Variants in AGTPBP1 observed in about 807,000 individuals in gnomAD.
AGTPBP1 encodes cytosolic carboxypeptidase 1.
A neutral mutation model predicts 143.9 loss-of-function variants in AGTPBP1; 70 were observed. That is an observed-to-expected ratio of 0.49 (90% confidence interval 0.40 to 0.59). The LOEUF is 0.59. AGTPBP1 is among the 20% of genes least tolerant of loss of function. The pLI, the probability that AGTPBP1 is intolerant of heterozygous loss-of-function variation, is 0.00. For missense variants in AGTPBP1, 1,229 were observed against 1,464.5 expected, an observed-to-expected ratio of 0.84 and a Z score of 2.62; for synonymous variants, 463 against 500.2, an observed-to-expected ratio of 0.93 and a Z score of 0.99.
intron 11 of AGTPBP1, among the ~76,000 whole-genome samples, chr9:85,652,575 G>A (rs1587831989): frequency 6.6e-6 from 1 of 152,264 alleles, no homozygotes; most frequent in African/African-American, 2.4e-5. Context: ...ATGGTGCTGG[G>A]AGGGTGGCAT....
chr9:85,734,626 C>T (rs914013785), intron 1 of AGTPBP1, among the ~76,000 whole-genome samples: 1 of 152,202 alleles, frequency 6.6e-6, no homozygotes, highest in East Asian at 1.9e-4. Flanking sequence ...TGTTGATGTG[C>T]ATAGATTAGA....
chr9:85,581,359 T>C (rs1828247552), intron 23 of AGTPBP1, among the ~76,000 whole-genome samples: 1 of 152,218 alleles, frequency 6.6e-6, no homozygotes, highest in Non-Finnish European at 1.5e-5. Flanking sequence ...CTCAGATGTC[T>C]TAGTGGACTT....
chr9:85,791,705 G>A, the AGTPBP1 span, among the ~76,000 whole-genome samples: 1 of 152,074 alleles, frequency 6.6e-6, no homozygotes, highest in Non-Finnish European at 1.5e-5. Flanking sequence ...CTCTTGGTTA[G>A]TACTGACTTT....
At chr9:85,716,670 T>C (rs1380698898) in intron 1 of AGTPBP1, among the ~76,000 whole-genome samples, 2 of 152,198 alleles carry the variant, frequency 1.3e-5, no homozygotes, top group African/African-American at 4.8e-5. Context: ...AAGTAAACAA[T>C]GTCACTAGTC....
chr9:85,727,845 C>T (rs970683626), intron 1 of AGTPBP1, among the ~76,000 whole-genome samples: 7 of 151,756 alleles, frequency 4.6e-5, no homozygotes, highest in African/African-American at 1.7e-4. Context: ...AGTGATACCT[C>T]CATCTCTACA....
chr9:85,771,180 G>A, the AGTPBP1 span, among the ~76,000 whole-genome samples: 28 of 152,128 alleles, frequency 1.8e-4, no homozygotes, highest in Non-Finnish European at 3.7e-4. Context: ...GACAATCAAT[G>A]AAAAATAAAA....
At chr9:85,796,221 C>A in the AGTPBP1 span, among the ~76,000 whole-genome samples, 1 of 152,068 alleles carries the variant, frequency 6.6e-6, no homozygotes, top group African/African-American at 2.4e-5. Flanking sequence ...AGTGATTCCA[C>A]AGTAGTGTTG....
chr9:85,646,413 C>T lies in AGTPBP1; in HGVS notation c.1093G>A (p.Asp365Asn). Residue 365 changes from aspartate (D) to asparagine (N), a missense_variant, in exon 12 of 26, where the codon GAC becomes AAC. This residue lies in a region of AGTPBP1 where 743 missense variants were observed against 812.2 expected (regional missense o/e 0.91). Coordinates refer to ENST00000357081, the MANE Select transcript of AGTPBP1 (RefSeq NM_001330701.2). Reference protein sequence around the residue: ...QLYSLPPEVDDVVDESDDNDD... With the variant: ...QLYSLPPEVDNVVDESDDNDD... ...TTGTCATCACTTTCATCTACTACGT[C>T]ATCCACTATGATACAAAATGTGCTA... 1 of 1,612,242 alleles carries T rather than the reference C, an allele frequency of 6.2e-7. No homozygotes were observed. Among genetic ancestry groups the T allele is most frequent in the Non-Finnish European group, 8.5e-7 (1 of 1,179,278 alleles).
At chr9:85,559,249 C>T (rs1475247721) in intron 25 of AGTPBP1, among the ~76,000 whole-genome samples, 1 of 151,976 alleles carries the variant, frequency 6.6e-6, no homozygotes, top group Admixed American at 6.6e-5. Flanking sequence ...TTATACAACA[C>T]AAATGGGTAA....
the AGTPBP1 span, chr9:85,764,744 C>A: frequency 7.8e-7 from 1 of 1,284,424 alleles, no homozygotes; most frequent in Admixed American, 1.7e-5. Context: ...ATCAACTCGC[C>A]TGAACTTAAT....
chr9:85,638,047 G>A (rs1020923954), intron 13 of AGTPBP1, among the ~76,000 whole-genome samples: 8 of 151,902 alleles, frequency 5.3e-5, no homozygotes, highest in African/African-American at 1.9e-4. Context: ...ATGTCAAATA[G>A]GTTTTTTATA....
intron 2 of AGTPBP1, among the ~76,000 whole-genome samples, chr9:85,695,878 G>A (rs1008214510): frequency 2.0e-5 from 3 of 149,618 alleles, no homozygotes; most frequent in Non-Finnish European, 4.4e-5. Flanking sequence ...GTCTCGCGCT[G>A]TTGCCCAGGC....
chr9:85,677,585 A>C lies in AGTPBP1; in HGVS notation c.290-3T>G, dbSNP rs772951060. The C allele has an allele frequency of 2.5e-5, 38 of 1,521,480 alleles. No individual in the cohort carries two copies. The highest frequency in any genetic ancestry group is 2.4e-5 in the Admixed American group (1 of 41,636). 94.2% of individuals were successfully genotyped at this position (1,521,480 alleles called of 1,614,324 possible). On this transcript the variant is annotated splice_region_variant and splice_polypyrimidine_tract_variant and intron_variant, in intron 5 of 25. Transcript: ENST00000357081. ...GAAACTCACTCTTCGACCTCCACCT[A>C]AAAATTAAAAAAAAAAAAAATTTAA...
intron 1 of AGTPBP1, chr9:85,741,478 C>T (rs1824271452): frequency 1.0e-6 from 1 of 985,276 alleles, no homozygotes. Flanking sequence ...GCCCAGAGAC[C>T]GCGCCCGATA....
chr9:85,717,712 G>A (rs1440324778), intron 1 of AGTPBP1, among the ~76,000 whole-genome samples: 1 of 151,182 alleles, frequency 6.6e-6, no homozygotes, highest in Admixed American at 6.6e-5. Flanking sequence ...TAAGTTCTAG[G>A]GTACATGTGC....
chr9:85,714,237 C>G (rs1355978995), intron 1 of AGTPBP1, among the ~76,000 whole-genome samples: 1 of 152,182 alleles, frequency 6.6e-6, no homozygotes, highest in East Asian at 1.9e-4. Context: ...TCTGGCGTTA[C>G]CAAAGTGAAC....
At chr9:85,772,627 C>A in the AGTPBP1 span, among the ~76,000 whole-genome samples, 1 of 151,974 alleles carries the variant, frequency 6.6e-6, no homozygotes, top group African/African-American at 2.4e-5. Flanking sequence ...ATGGCATGTA[C>A]CTGTGGTCCC....
Position 85,553,243 on chromosome 9 carries a change from T to A in AGTPBP1, c.3504-5957A>T, listed in dbSNP as rs74305456. 6.6e-5 allele frequency among the ~76,000 whole-genome samples: 10 copies of A among 152,148 alleles called. No homozygotes were observed. In the East Asian group the frequency reaches 1.9e-3, roughly 29 times the overall value. ...ATGTCTATTTGGAAAAAAAAGAAAT[T>A]TGCTAATCTATTTGTACTTTTGTTG... On this transcript the variant is annotated intron_variant, in intron 25 of 25. Coordinates refer to ENST00000357081, the MANE Select transcript of AGTPBP1 (RefSeq NM_001330701.2).
At chr9:85,547,459 G>A (rs1825797612) in intron 25 of AGTPBP1, among the ~76,000 whole-genome samples, 173 bp from the exon 26 acceptor site, 1 of 152,124 alleles carries the variant, frequency 6.6e-6, no homozygotes, top group African/African-American at 2.4e-5. Context: ...AAAGTTCCTT[G>A]TATTGACAAT....
Sources: allele counts gnomAD v4.1 joint callset (sites outside exome capture counted in the v4.1 genomes callset), GRCh38; gene constraint gnomAD v4.1.1; regional missense constraint gnomAD v4.1.1; transcripts MANE v1.5; gene names NCBI Gene and HGNC (gene_info 2026-07-23, HGNC 2026-07-21).